NCOA2: variants seen among roughly 807,000 people sequenced by gnomAD.
NCOA2 encodes the protein nuclear receptor coactivator 2.
In NCOA2, 21 loss-of-function variants were observed where a neutral mutation model predicts 145.1. The observed-to-expected ratio is 0.14, with a 90% CI of 0.10 to 0.21. NCOA2 has a LOEUF of 0.21. Among genes scored for constraint, NCOA2 ranks in the 10% least tolerant of loss-of-function variants. NCOA2 has a pLI of 1.00. For synonymous variants in NCOA2, 619 were observed against 637.5 expected (o/e 0.97, Z 0.44); for missense variants, 1,472 against 1,837.6 (o/e 0.80, Z 3.64).
At chr8:70,327,173 G>A (rs1167269513) in intron 1 of NCOA2, among the ~76,000 whole-genome samples, 1 of 152,170 alleles carries the variant, frequency 6.6e-6, no homozygotes, top group South Asian at 2.1e-4. Context: ...CACATGAAAA[G>A]TCTTGAAATG....
intron 22 of NCOA2, among the ~76,000 whole-genome samples, chr8:70,115,058 T>C (rs1187638204): frequency 6.6e-6 from 1 of 152,236 alleles, no homozygotes; most frequent in African/African-American, 2.4e-5. Context: ...TGATTTCATA[T>C]AAAAACACTC....
At chr8:70,385,151 C>CGAAA (rs1812543850) in intron 1 of NCOA2, among the ~76,000 whole-genome samples, 1 of 152,166 alleles carries the variant, frequency 6.6e-6, no homozygotes, top group Non-Finnish European at 1.5e-5. Flanking sequence ...TAACTTTTTT[C>CGAAA]ATAGTTCTTC....
intron 4 of NCOA2, among the ~76,000 whole-genome samples, chr8:70,182,514 C>T (rs1815600758): frequency 1.3e-5 from 2 of 152,104 alleles, no homozygotes; most frequent in Admixed American, 1.3e-4. Context: ...AGGACAGCAA[C>T]CAGAATAGAC....
intron 4 of NCOA2, among the ~76,000 whole-genome samples, chr8:70,192,720 T>C (rs562106439): frequency 1.3e-5 from 2 of 152,280 alleles, no homozygotes; most frequent in South Asian, 2.1e-4. Flanking sequence ...GTAATAAACA[T>C]TGGGTCAGTG....
At chr8:70,447,185 A>G in the NCOA2 span, among the ~76,000 whole-genome samples, 1 of 152,242 alleles carries the variant, frequency 6.6e-6, no homozygotes, top group South Asian at 2.1e-4. Context: ...AAACACTCTA[A>G]CACATTGTCA....
chr8:70,161,181 G>T (rs1812960835), intron 9 of NCOA2, among the ~76,000 whole-genome samples: 1 of 152,194 alleles, frequency 6.6e-6, no homozygotes. Context: ...TCTATACGGG[G>T]TTTCCTTCCA....
chr8:70,364,581 A>T (rs928815129), intron 1 of NCOA2, among the ~76,000 whole-genome samples: 2 of 152,224 alleles, frequency 1.3e-5, no homozygotes, highest in African/African-American at 2.4e-5. Context: ...AGTTTAGTGT[A>T]CTCTGAGCTA....
intron 1 of NCOA2, among the ~76,000 whole-genome samples, chr8:70,390,632 T>C (rs1195545133): frequency 6.7e-5 from 10 of 150,174 alleles, no homozygotes; most frequent in African/African-American, 2.4e-4. Context: ...TCGGACATAG[T>C]GGCGCACACC....
At chr8:70,204,450 A>G (rs1411557813) in intron 4 of NCOA2, among the ~76,000 whole-genome samples, 1 of 152,342 alleles carries the variant, frequency 6.6e-6, no homozygotes, top group Non-Finnish European at 1.5e-5. Flanking sequence ...ATGTTAATGC[A>G]CTATCAGGAG....
chr8:70,215,958 T>G (rs1819583649), intron 3 of NCOA2, among the ~76,000 whole-genome samples: 1 of 152,258 alleles, frequency 6.6e-6, no homozygotes, highest in Non-Finnish European at 1.5e-5. Flanking sequence ...TCCTCATCTT[T>G]ATCCTAGCTG....
chr8:70,153,579 T>C (rs1811981089), intron 11 of NCOA2, among the ~76,000 whole-genome samples: 1 of 152,174 alleles, frequency 6.6e-6, no homozygotes, highest in Admixed American at 6.5e-5. Flanking sequence ...CTGGCCACGT[T>C]AGACACTAAG....
At chr8:70,382,084 C>A (rs749452164) in intron 1 of NCOA2, among the ~76,000 whole-genome samples, 11 of 152,084 alleles carry the variant, frequency 7.2e-5, no homozygotes, top group African/African-American at 1.4e-4. Flanking sequence ...AGGAGTTTAT[C>A]ATTTTGTTAG....
chr8:70,136,200 C>G (rs1809714581), intron 15 of NCOA2, among the ~76,000 whole-genome samples: 1 of 152,206 alleles, frequency 6.6e-6, no homozygotes, highest in South Asian at 2.1e-4. Flanking sequence ...ACGGCAAAAG[C>G]CTGTCTCTAC....
intron 1 of NCOA2, among the ~76,000 whole-genome samples, chr8:70,313,908 C>A (rs1391384296): frequency 6.6e-6 from 1 of 152,046 alleles, no homozygotes; most frequent in African/African-American, 2.4e-5. Context: ...AGGCGGCTCA[C>A]GCCTGTAATC....
chr8:70,377,384 C>G (rs1424315001), intron 1 of NCOA2, among the ~76,000 whole-genome samples: 1 of 151,110 alleles, frequency 6.6e-6, no homozygotes, highest in African/African-American at 2.4e-5. Context: ...AGGAATAGTA[C>G]CTTATAAATT....
chr8:70,223,204 A>G (rs1333113479), intron 2 of NCOA2, among the ~76,000 whole-genome samples: 2 of 152,220 alleles, frequency 1.3e-5, no homozygotes. Context: ...CAAGGACTAC[A>G]ATGTAGCACT....
chr8:70,170,196 A>G lies in NCOA2; in HGVS notation c.541+6T>C. ...AGGTAGGGAGGGAGACCCAGCAGAC[A>G]TTTACCTATAGACTTTGGCAGCAGG... On this transcript the variant is annotated splice_donor_region_variant and intron_variant, in intron 6 of 22. Transcript: ENST00000452400. 6.2e-7 allele frequency: 1 copy of G among 1,612,450 alleles called. No homozygotes were observed. The highest frequency in any genetic ancestry group is 2.2e-5 in the East Asian group (1 of 44,816).
intron 1 of NCOA2, among the ~76,000 whole-genome samples, chr8:70,340,319 A>G (rs1046848156): frequency 6.6e-6 from 1 of 152,230 alleles, no homozygotes; most frequent in African/African-American, 2.4e-5. Flanking sequence ...ATATACATGC[A>G]GCCAACAAAC....
At chr8:70,438,665 G>A in the NCOA2 span, among the ~76,000 whole-genome samples, 5 of 152,260 alleles carry the variant, frequency 3.3e-5, no homozygotes, top group South Asian at 2.1e-4. Context: ...TTGAGGACTC[G>A]TTGCCATTGA....
Sources: gnomAD v4.1 joint callset for allele counts (sites outside exome capture counted in the v4.1 genomes callset) on GRCh38, gnomAD v4.1.1 for gene constraint, MANE v1.5 for transcripts, NCBI Gene and HGNC (gene_info 2026-07-23, HGNC 2026-07-21) for gene names.